Variants in HECW1 observed in about 807,000 individuals in gnomAD.
HECW1 encodes E3 ubiquitin-protein ligase HECW1.
Under a neutral mutation model 182.3 loss-of-function variants are expected in HECW1, and 61 were observed. The ratio of observed to expected loss-of-function variants is 0.33; its 90% CI spans 0.27 to 0.41. HECW1 has a LOEUF of 0.41. Ranked by LOEUF, HECW1 falls within the 10% of genes least tolerant of loss-of-function variation. The pLI, the probability that HECW1 is intolerant of heterozygous loss-of-function variation, is 1.00. For missense variants in HECW1, 1,739 were observed against 2,108.9 expected, an observed-to-expected ratio of 0.82 and a Z score of 3.44; for synonymous variants, 859 against 832.6, an observed-to-expected ratio of 1.03 and a Z score of -0.55.
intron 2 of HECW1, among the ~76,000 whole-genome samples, chr7:43,209,593 CTG>C (rs1354508227): frequency 6.6e-6 from 1 of 151,998 alleles, no homozygotes; most frequent in Non-Finnish European, 1.5e-5. Flanking sequence ...TTTTTTTCCT[CTG>C]TGAAAAAAGT....
intron 2 of HECW1, among the ~76,000 whole-genome samples, chr7:43,197,398 C>A (rs1200747831): frequency 6.6e-6 from 1 of 152,150 alleles, no homozygotes. Context: ...CTGCCCTAGA[C>A]CACCTTCCTG....
At chr7:43,525,940 CT>C (rs879802591) in intron 24 of HECW1, among the ~76,000 whole-genome samples, 31 of 152,280 alleles carry the variant, frequency 2.0e-4, no homozygotes, top group Admixed American at 2.0e-3. Context: ...TAGGGACTTT[CT>C]CTTTATAGTC....
At position 43,240,353 on chromosome 7, in the gene HECW1, A is replaced by G. The variant is rs538450227; in HGVS notation, c.-31-3522A>G. Among the ~76,000 whole-genome samples, 4 of 152,294 alleles carry G rather than the reference A, an allele frequency of 2.6e-5. No individual in the cohort carries two copies. In the South Asian group the frequency reaches 8.3e-4, roughly 32 times the overall value. On this transcript the variant is annotated intron_variant, in intron 2 of 29. Coordinates refer to ENST00000395891, the MANE Select transcript of HECW1 (RefSeq NM_015052.5). ...ACTCCGTCTCAAATAAAGTAATAAT[A>G]AATAAATAAATGTCATCTTTTATAT...
intron 2 of HECW1, among the ~76,000 whole-genome samples, chr7:43,213,072 G>C (rs948044930): frequency 5.3e-5 from 8 of 151,902 alleles, no homozygotes; most frequent in African/African-American, 9.7e-5. Context: ...GCCTTTTCAT[G>C]AGTTAATCTA....
intron 2 of HECW1, among the ~76,000 whole-genome samples, chr7:43,153,854 A>G (rs1789604848): frequency 6.6e-6 from 1 of 152,188 alleles, no homozygotes; most frequent in South Asian, 2.1e-4. Context: ...AATATTTACT[A>G]TTTTATTAGA....
intron 9 of HECW1, 144 bp from the exon 10 acceptor site, chr7:43,442,385 T>A: frequency 1.6e-6 from 1 of 609,054 alleles, no homozygotes; most frequent in African/African-American, 1.8e-5. Flanking sequence ...CGATAAGGAC[T>A]TCCTTACAGT....
chr7:43,394,479 T>C (rs2075158011), intron 6 of HECW1, among the ~76,000 whole-genome samples: 1 of 152,214 alleles, frequency 6.6e-6, no homozygotes, highest in Admixed American at 6.5e-5. Context: ...ATTTGGGTGA[T>C]GTTAACTGGG....
chr7:43,196,557 A>G (rs1009930671), intron 2 of HECW1, among the ~76,000 whole-genome samples: 1 of 152,196 alleles, frequency 6.6e-6, no homozygotes, highest in Non-Finnish European at 1.5e-5. Context: ...CTCAGAGGGT[A>G]ACTGCATATG....
chr7:43,194,936 C>T (rs1210926593), intron 2 of HECW1, among the ~76,000 whole-genome samples: 3 of 152,222 alleles, frequency 2.0e-5, no homozygotes, highest in Middle Eastern at 3.4e-3. Context: ...TCAGGTAATC[C>T]GCCCTTCTTG....
intron 7 of HECW1, among the ~76,000 whole-genome samples, chr7:43,405,615 G>A (rs114961620): frequency 6.6e-6 from 1 of 152,102 alleles, no homozygotes; most frequent in Non-Finnish European, 1.5e-5. Flanking sequence ...GGTGGTGCTG[G>A]TCATGTGTGC....
intron 3 of HECW1, among the ~76,000 whole-genome samples, chr7:43,292,446 G>A (rs1231882319): frequency 6.6e-6 from 1 of 152,236 alleles, no homozygotes; most frequent in East Asian, 1.9e-4. Context: ...GGGCAAAGGT[G>A]TAGTTATAAG....
chr7:43,293,211 C>T lies in HECW1; in HGVS notation c.28-18552C>T, dbSNP rs1011165121. On this transcript the variant is annotated intron_variant, in intron 3 of 29. Transcript: ENST00000395891. ...CTCCAGCCTGGGCGACACAGCGAGA[C>T]TATGTCTCAAAAAAAAAAAAAAAAA... 9.4e-5 allele frequency among the ~76,000 whole-genome samples: 10 copies of T among 106,562 alleles called. No individual in the cohort carries two copies. The East Asian group carries it at 2.8e-3, about 30-fold the overall frequency. The allele number at this position is 106,562 out of a possible 152,430, so 69.9% of individuals were successfully genotyped here. A position where few individuals can be genotyped will look rare whatever the true frequency, so the allele number is the denominator to read the frequency against.
chr7:43,326,512 A>T (rs1810812391), intron 5 of HECW1, among the ~76,000 whole-genome samples: 1 of 152,196 alleles, frequency 6.6e-6, no homozygotes, highest in African/African-American at 2.4e-5. Flanking sequence ...GGCCCCATGA[A>T]GATGACCTGA....
intron 26 of HECW1, among the ~76,000 whole-genome samples, chr7:43,548,894 AGAT>A (rs1333678769): frequency 6.6e-6 from 1 of 152,208 alleles, no homozygotes; most frequent in Non-Finnish European, 1.5e-5. Flanking sequence ...CAGAGAGCTG[AGAT>A]TGTACCACTG....
chr7:43,452,428 A>G (rs2077265081), intron 12 of HECW1, among the ~76,000 whole-genome samples: 1 of 152,270 alleles, frequency 6.6e-6, no homozygotes, highest in Admixed American at 6.5e-5. Flanking sequence ...TTCTCCAGAC[A>G]GCTTTCAGTT....
At chr7:43,479,993 T>C (rs1441930204) in intron 17 of HECW1, among the ~76,000 whole-genome samples, 2 of 152,130 alleles carry the variant, frequency 1.3e-5, no homozygotes, top group Non-Finnish European at 2.9e-5. Flanking sequence ...ACCTGTCTAG[T>C]TGAAAGGAAA....
chr7:43,489,371 T>G, intron 17 of HECW1, among the ~76,000 whole-genome samples: 1 of 152,358 alleles, frequency 6.6e-6, no homozygotes, highest in South Asian at 2.1e-4. Context: ...ATTTATTTAT[T>G]TATTTATTCA....
At chr7:43,217,070 T>C (rs1279553382) in intron 2 of HECW1, among the ~76,000 whole-genome samples, 1 of 152,144 alleles carries the variant, frequency 6.6e-6, no homozygotes, top group African/African-American at 2.4e-5. Flanking sequence ...TTTTAATAGC[T>C]CCTTCTCTGA....
intron 3 of HECW1, among the ~76,000 whole-genome samples, chr7:43,247,126 C>G (rs1799447155): frequency 6.6e-6 from 1 of 152,174 alleles, no homozygotes; most frequent in South Asian, 2.1e-4. Context: ...AAAATCAGTT[C>G]CTCTGGGCTG....
Sources: gnomAD v4.1 joint callset for allele counts (sites outside exome capture counted in the v4.1 genomes callset) on GRCh38, gnomAD v4.1.1 for gene constraint, MANE v1.5 for transcripts, NCBI Gene and HGNC (gene_info 2026-07-23, HGNC 2026-07-21) for gene names.